Variants in GPM6B observed in about 807,000 individuals in gnomAD.
The protein encoded by GPM6B is glycoprotein M6B.
In GPM6B, 4 loss-of-function variants were observed where a neutral mutation model predicts 27.2. The ratio of observed to expected loss-of-function variants is 0.15; its 90% CI spans 0.07 to 0.34. The LOEUF is 0.34. GPM6B is among the 10% of genes least tolerant of loss of function. The pLI is 1.00. For synonymous variants in GPM6B, 124 were observed against 103.1 expected (o/e 1.20, Z -1.23); for missense variants, 183 against 261.9 (o/e 0.70, Z 2.08).
intron 1 of GPM6B, among the ~76,000 whole-genome samples, chrX:13,898,899 T>C (rs2050256350): frequency 9.0e-6 from 1 of 111,513 alleles, no homozygotes; most frequent in Non-Finnish European, 1.9e-5. Context: ...CAAACTCAGG[T>C]ATATGCTTCT....
intron 1 of GPM6B, among the ~76,000 whole-genome samples, chrX:13,937,428 G>T (rs1326448543): frequency 1.8e-5 from 2 of 111,689 alleles, no homozygotes; most frequent in African/African-American, 6.5e-5. Flanking sequence ...GAATGATTAG[G>T]GGAAGCGGAG....
At chrX:13,781,195 C>T (rs1215043812) in intron 4 of GPM6B, among the ~76,000 whole-genome samples, 1 of 111,299 alleles carries the variant, frequency 9.0e-6, no homozygotes, top group Admixed American at 9.5e-5. Context: ...AGGCCACTGT[C>T]CCCCTCCCAG....
chrX:13,797,136 T>C (rs2147155273), intron 2 of GPM6B, among the ~76,000 whole-genome samples: 1 of 112,485 alleles, frequency 8.9e-6, no homozygotes, highest in Admixed American at 9.4e-5. Flanking sequence ...GTCTCTACTT[T>C]CCTGGATTCC....
chrX:13,914,947 A>G lies in GPM6B; in HGVS notation c.-198+23380T>C, dbSNP rs185190910. Among the ~76,000 whole-genome samples the G allele has an allele frequency of 3.9e-3, 437 of 110,854 alleles. 3 individuals carry two copies. Among genetic ancestry groups the G allele is most frequent in the Non-Finnish European group, 6.5e-3 (345 of 52,918 alleles). ...AGATCTGGCCCAATTGATTGTGACT[A>G]CTTTCCCCAGATCTAACCCACCAAC... On this transcript the variant is annotated intron_variant, in intron 1 of 6. Transcript: ENST00000398361.
rs1162562785 is a variant in GPM6B, at chrX:13,795,630, A to G, written c.182-9822T>C. 2.7e-5 allele frequency among the ~76,000 whole-genome samples: 3 copies of G among 111,875 alleles called. No homozygotes were observed. In the Admixed American group the frequency reaches 2.8e-4, roughly 11 times the overall value. On this transcript the variant is annotated intron_variant, in intron 2 of 7. Transcript: ENST00000316715. ...CACTAAAATATTATTTTCTTTTTGAAAATCGTTATCTTTCCTAAACATTAC... is the reference window on the plus strand; with the variant it reads ...CACTAAAATATTATTTTCTTTTTGAGAATCGTTATCTTTCCTAAACATTAC...
rs375195049 is a variant in GPM6B, at chrX:13,785,825, G to A, written c.182-17C>T. On this transcript the variant is annotated splice_polypyrimidine_tract_variant and intron_variant, in intron 2 of 7. Coordinates refer to ENST00000316715, the MANE Select transcript of GPM6B (RefSeq NM_001001995.3). ...CAAAGCAGCCTGAACCCAAAGGAGAGAAAATATAGCCGTTACGGGCAAGAA... is the reference window on the plus strand; with the variant it reads ...CAAAGCAGCCTGAACCCAAAGGAGAAAAAATATAGCCGTTACGGGCAAGAA... The A allele has an allele frequency of 1.5e-4, 172 of 1,177,121 alleles. No homozygotes were observed. The African/African-American group carries it at 2.5e-3, about 17-fold the overall frequency.
At chrX:13,793,326 C>G (rs1372447031) in intron 2 of GPM6B, among the ~76,000 whole-genome samples, 1 of 111,422 alleles carries the variant, frequency 9.0e-6, no homozygotes. Flanking sequence ...CCAGATTGAA[C>G]CAATGTACAT....
chrX:13,808,822 C>T (rs1372614777), intron 1 of GPM6B, among the ~76,000 whole-genome samples: 1 of 111,704 alleles, frequency 9.0e-6, no homozygotes, highest in African/African-American at 3.3e-5. Context: ...TTTATAAAAT[C>T]CCAACTCCAC....
rs368993852 is a variant in GPM6B at position 13,779,799 on chromosome X, G to A, written c.697+19C>T. 491 of 1,135,886 alleles carry A rather than the reference G, an allele frequency of 4.3e-4. No homozygotes were observed. The highest frequency in any genetic ancestry group is 5.5e-4 in the Non-Finnish European group (468 of 844,485). The allele number at this position is 1,135,886 out of a possible 1,213,427, so 93.6% of individuals were successfully genotyped here. On this transcript the variant is annotated intron_variant, in intron 5 of 7. Transcript: ENST00000316715. ...GGATAATGAAATAACTGGGGGAGGG[G>A]TGAATTAGAAGGAAGTACCGTATTG...
chrX:13,855,671 TTGA>T (rs1193064162), intron 1 of GPM6B, among the ~76,000 whole-genome samples: 4 of 112,032 alleles, frequency 3.6e-5, no homozygotes, highest in African/African-American at 1.3e-4. Flanking sequence ...AGTTTACAAC[TTGA>T]TGAGTTTTAC....
intron 1 of GPM6B, among the ~76,000 whole-genome samples, chrX:13,814,133 C>T (rs1001736732): frequency 2.7e-5 from 3 of 112,313 alleles, no homozygotes; most frequent in East Asian, 2.8e-4. Context: ...TGTGTTGTCC[C>T]GCTGAAACTC....
chrX:13,780,815 C>T (rs1038833809), intron 4 of GPM6B: 10 of 179,925 alleles, frequency 5.6e-5, no homozygotes, highest in Admixed American at 2.2e-4. Context: ...TCAGAAGGCG[C>T]GCCCACAGAG....
chrX:13,778,578 A>T (rs1569184801), intron 5 of GPM6B, among the ~76,000 whole-genome samples: 2 of 112,048 alleles, frequency 1.8e-5, no homozygotes, highest in African/African-American at 6.5e-5. Flanking sequence ...TATTCCTTTC[A>T]TCCTTGACAC....
At chrX:13,914,540 GA>G (rs765377652) in intron 1 of GPM6B, among the ~76,000 whole-genome samples, 1 of 112,498 alleles carries the variant, frequency 8.9e-6, no homozygotes, top group Non-Finnish European at 1.9e-5. Flanking sequence ...TCATGAAATG[GA>G]AGCCACGTGT....
At chrX:13,920,266 C>CAAA (rs144988935) in intron 1 of GPM6B, among the ~76,000 whole-genome samples, 9 of 22,114 alleles carry the variant, frequency 4.1e-4, no homozygotes, top group East Asian at 3.5e-3. Context: ...GACTCTGTCT[C>CAAA]AAAAAAAAAA....
chrX:13,924,616 G>A (rs750870211), intron 1 of GPM6B, among the ~76,000 whole-genome samples: 6 of 111,824 alleles, frequency 5.4e-5, no homozygotes, highest in Admixed American at 9.5e-5. Flanking sequence ...CACCTTCAAC[G>A]GAAGGATATT....
intron 1 of GPM6B, among the ~76,000 whole-genome samples, chrX:13,901,760 CT>C (rs1487821425): frequency 9.0e-6 from 1 of 111,562 alleles, no homozygotes; most frequent in African/African-American, 3.2e-5. Context: ...CATAGGGCCC[CT>C]TCAGTAAATT....
chrX:13,937,951 CAG>C (rs1352660347), intron 1 of GPM6B, among the ~76,000 whole-genome samples: 1 of 111,396 alleles, frequency 9.0e-6, no homozygotes, highest in Non-Finnish European at 1.9e-5. Context: ...CCATGCTGTC[CAG>C]AGTCTCTCCT....
In GPM6B at chrX:13,809,409, C is replaced by T. The variant is rs188415885; in HGVS notation, c.62-1640G>A. Among the ~76,000 whole-genome samples, 3 of 111,867 alleles carry T rather than the reference C, an allele frequency of 2.7e-5. No individual in the cohort carries two copies. The South Asian group carries it at 1.1e-3, about 42-fold the overall frequency. On this transcript the variant is annotated intron_variant, in intron 1 of 7. Transcript: ENST00000316715. ...TGTGCTTCTGTGTCTCCTAAAGAAACGGTCCAGGTCCTAAGCTACTGATGT... is the reference window on the plus strand; with the variant it reads ...TGTGCTTCTGTGTCTCCTAAAGAAATGGTCCAGGTCCTAAGCTACTGATGT...
Sources: allele counts gnomAD v4.1 joint callset (sites outside exome capture counted in the v4.1 genomes callset), GRCh38; gene constraint gnomAD v4.1.1; transcripts MANE v1.5; gene names NCBI Gene and HGNC (gene_info 2026-07-23, HGNC 2026-07-21).